The following MARK1 variants were observed in gnomAD, a reference collection of about 807,000 sequenced individuals.
MARK1 encodes serine/threonine-protein kinase MARK1.
MARK1 carries 40 observed loss-of-function variants against 96.3 expected under a neutral mutation model. That is an observed-to-expected ratio of 0.42 (90% CI 0.32 to 0.54). MARK1 has a LOEUF of 0.54. Ranked by LOEUF, MARK1 falls within the 20% of genes least tolerant of loss-of-function variation. The pLI, the probability that MARK1 is intolerant of heterozygous loss-of-function variation, is 0.16. For missense variants in MARK1, 719 were observed against 984.6 expected (o/e 0.73, Z 3.61); for synonymous variants, 317 against 341.2 (o/e 0.93, Z 0.78).
At chr1:220,638,334 G>T (rs6677302) in intron 13 of MARK1, among the ~76,000 whole-genome samples, 123,178 of 152,108 alleles carry the variant, frequency 0.81, 50,674 homozygotes, top group African/African-American at 0.95. Context: ...TGCCTAAACA[G>T]TCCCCTTACA....
intron 1 of MARK1, among the ~76,000 whole-genome samples, chr1:220,536,329 C>G (rs992936407): frequency 2.7e-5 from 4 of 150,844 alleles, no homozygotes; most frequent in African/African-American, 9.7e-5. Context: ...AATGGGCATC[C>G]TTGTCTTGTT....
intron 1 of MARK1, among the ~76,000 whole-genome samples, chr1:220,547,361 T>G (rs1661572482): frequency 6.6e-6 from 1 of 152,328 alleles, no homozygotes; most frequent in Admixed American, 6.5e-5. Flanking sequence ...GAAGAAAGTC[T>G]TGAATAGAAA....
intron 6 of MARK1, among the ~76,000 whole-genome samples, chr1:220,608,721 C>T (rs952708908): frequency 6.6e-6 from 1 of 152,178 alleles, no homozygotes; most frequent in Non-Finnish European, 1.5e-5. Flanking sequence ...CTACACACTG[C>T]TTTAAATGTG....
At chr1:220,581,211 T>A in intron 3 of MARK1, 93 bp downstream of exon 3, 1 of 409,018 alleles carries the variant, frequency 2.4e-6, no homozygotes, top group Non-Finnish European at 4.4e-6. Context: ...TTCTATTAGG[T>A]ACAATTCTAC....
Position 220,528,433 on chromosome 1 carries a change from A to G in MARK1, c.-390A>G. 4.9e-6 allele frequency: 1 copy of G among 202,402 alleles called. No individual in the cohort carries two copies. The highest frequency in any genetic ancestry group is 9.9e-6 in the Non-Finnish European group (1 of 101,336). 12.5% of individuals were successfully genotyped at this position (202,402 alleles called of 1,614,324 possible). On this transcript the variant is annotated 5_prime_UTR_variant, in exon 1 of 18. Transcript: ENST00000366917. ...GCCCAGGCGCTCGCCAGGACGAGCC[A>G]GGCAGTGATTTGAGGCACCGGCTTC... is the stretch of plus-strand genomic sequence containing the variant.
chr1:220,630,995 G>T (rs371212509), intron 9 of MARK1, 40 bp from the exon 10 acceptor site: 2 of 1,363,836 alleles, frequency 1.5e-6, no homozygotes, highest in South Asian at 2.4e-5. Context: ...GTGGCTGAAT[G>T]TTCTGATTGA....
chr1:220,611,070 C>T lies in MARK1; in HGVS notation c.496-4869C>T, dbSNP rs112181565. 2.0e-4 allele frequency among the ~76,000 whole-genome samples: 30 copies of T among 152,338 alleles called. 1 individual carries two copies. Among genetic ancestry groups the T allele is most frequent in the African/African-American group, 7.0e-4 (29 of 41,588 alleles). On this transcript the variant is annotated intron_variant, in intron 6 of 17. Coordinates refer to ENST00000366917, the MANE Select transcript of MARK1 (RefSeq NM_018650.5). ...GGAGGCAGTCTGTCCATTTTCAGAG[C>T]TCAAACACCATGCTGGGAGAACCAC...
intron 3 of MARK1, among the ~76,000 whole-genome samples, chr1:220,597,159 C>G (rs1254988474): frequency 6.6e-6 from 1 of 152,136 alleles, no homozygotes; most frequent in Admixed American, 6.6e-5. Context: ...GTGAATAATG[C>G]TACTATGAAC....
intron 13 of MARK1, among the ~76,000 whole-genome samples, chr1:220,636,658 A>G (rs1011432670): frequency 6.6e-6 from 1 of 152,084 alleles, no homozygotes; most frequent in African/African-American, 2.4e-5. Flanking sequence ...GACAAATAGA[A>G]GCCAGAAAGA....
intron 3 of MARK1, among the ~76,000 whole-genome samples, chr1:220,586,004 C>CAT (rs1664579610): frequency 2.3e-5 from 1 of 42,556 alleles, no homozygotes; most frequent in Non-Finnish European, 6.5e-5. Flanking sequence ...CACACACACA[C>CAT]ACACACACGC....
chr1:220,640,296 C>T (rs187421311), intron 13 of MARK1, among the ~76,000 whole-genome samples: 2 of 152,268 alleles, frequency 1.3e-5, no homozygotes, highest in Non-Finnish European at 2.9e-5. Flanking sequence ...GTACATTTAA[C>T]GTTTATAAAA....
intron 3 of MARK1, among the ~76,000 whole-genome samples, chr1:220,586,949 A>G (rs1315288477): frequency 2.6e-5 from 4 of 152,102 alleles, no homozygotes; most frequent in South Asian, 2.1e-4. Context: ...CTTTCTCATG[A>G]TATTTATTTA....
chr1:220,551,866 G>T (rs372718770), intron 1 of MARK1, among the ~76,000 whole-genome samples: 1 of 151,884 alleles, frequency 6.6e-6, no homozygotes, highest in African/African-American at 2.4e-5. Context: ...CTTTGCTCTC[G>T]GCAAACACTT....
chr1:220,648,682 G>T (rs1229324893), intron 13 of MARK1, among the ~76,000 whole-genome samples: 1 of 152,176 alleles, frequency 6.6e-6, no homozygotes, highest in East Asian at 1.9e-4. Context: ...ATGTATGGTA[G>T]CATGATTTGA....
chr1:220,582,762 A>G (rs1313269307), intron 3 of MARK1, among the ~76,000 whole-genome samples: 2 of 152,234 alleles, frequency 1.3e-5, no homozygotes, highest in Admixed American at 6.5e-5. Flanking sequence ...CGTGTACTTG[A>G]TGATGATAAG....
chr1:220,650,167 A>G (rs1056929200), intron 13 of MARK1, among the ~76,000 whole-genome samples: 2 of 152,090 alleles, frequency 1.3e-5, no homozygotes, highest in Non-Finnish European at 2.9e-5. Flanking sequence ...GGTGGTTGAG[A>G]GAGTTTCCCA....
chr1:220,590,124 C>T (rs1664888106), intron 3 of MARK1, among the ~76,000 whole-genome samples: 2 of 152,170 alleles, frequency 1.3e-5, no homozygotes, highest in Admixed American at 1.3e-4. Context: ...AAAACTCTGC[C>T]ATTAGCTTCG....
chr1:220,643,089 C>T (rs1021045548), intron 13 of MARK1, among the ~76,000 whole-genome samples: 4 of 152,200 alleles, frequency 2.6e-5, no homozygotes, highest in African/African-American at 9.6e-5. Context: ...GGGAACAGAA[C>T]TGGCTGAAGC....
At chr1:220,570,433 A>G (rs1224539278) in intron 1 of MARK1, among the ~76,000 whole-genome samples, 3 of 152,128 alleles carry the variant, frequency 2.0e-5, no homozygotes, top group Non-Finnish European at 2.9e-5. Flanking sequence ...TTCCATGTAT[A>G]TATCTTCTTA....
Sources: gnomAD v4.1 joint callset for allele counts (sites outside exome capture counted in the v4.1 genomes callset) on GRCh38, gnomAD v4.1.1 for gene constraint, MANE v1.5 for transcripts, NCBI Gene and HGNC (gene_info 2026-07-23, HGNC 2026-07-21) for gene names.